Variants in OOSP4B observed in about 807,000 individuals in gnomAD.
The protein encoded by OOSP4B is oocyte secreted protein family member 4B.
chr11:60,028,634 G>A (rs1854770787), intron 3 of OOSP4B, among the ~76,000 whole-genome samples: 1 of 152,116 alleles, frequency 6.6e-6, no homozygotes, highest in African/African-American at 2.4e-5. Context: ...CTACGCTGGG[G>A]TTTGAGTTTT....
At chr11:60,018,169 G>A (rs1246165975) in intron 1 of OOSP4B, among the ~76,000 whole-genome samples, 3 of 152,126 alleles carry the variant, frequency 2.0e-5, no homozygotes, top group Admixed American at 6.5e-5. Flanking sequence ...GAGTGATGTC[G>A]GCTGCGTCTA....
intron 3 of OOSP4B, among the ~76,000 whole-genome samples, chr11:60,027,292 G>C (rs1854754068): frequency 6.6e-6 from 1 of 152,116 alleles, no homozygotes; most frequent in Non-Finnish European, 1.5e-5. Flanking sequence ...TTGGAATGGG[G>C]TGTCTCCCTC....
At chr11:60,017,871 A>C (rs2134620434) in intron 1 of OOSP4B, among the ~76,000 whole-genome samples, 1 of 152,294 alleles carries the variant, frequency 6.6e-6, no homozygotes, top group Admixed American at 6.5e-5. Flanking sequence ...GATAGAATGA[A>C]AATTATATAG....
At chr11:60,027,572 C>G (rs1346428631) in intron 3 of OOSP4B, among the ~76,000 whole-genome samples, 2 of 148,650 alleles carry the variant, frequency 1.3e-5, no homozygotes, top group Non-Finnish European at 3.0e-5. Flanking sequence ...CAGGGGTTAG[C>G]ACCTGACTTG....
exon 1 of OOSP4B, chr11:60,017,279 A>T (rs1378504552): frequency 5.0e-6 from 2 of 398,152 alleles, no homozygotes; most frequent in Non-Finnish European, 8.9e-6. Flanking sequence ...GGGCTGCCCC[A>T]GCAGAGGGTA....
intron 1 of OOSP4B, 146 bp downstream of exon 1, chr11:60,017,559 T>C: frequency 2.5e-6 from 1 of 396,808 alleles, no homozygotes; most frequent in Non-Finnish European, 4.4e-6. Flanking sequence ...GATTTTTTTT[T>C]TTCCCCCTGA....
chr11:60,023,475 C>T (rs1854714402), intron 1 of OOSP4B, among the ~76,000 whole-genome samples: 1 of 152,080 alleles, frequency 6.6e-6, no homozygotes, highest in Non-Finnish European at 1.5e-5. Context: ...CACTCTGTTG[C>T]CCAGGCTGGA....
intron 3 of OOSP4B, 140 bp downstream of exon 3, chr11:60,025,145 A>T (rs998259643): frequency 7.7e-6 from 3 of 391,852 alleles, no homozygotes; most frequent in Non-Finnish European, 1.3e-5. Flanking sequence ...CTCTAAGGAA[A>T]ATGTTCAAAT....
At chr11:60,020,621 G>T (rs1344457357) in intron 1 of OOSP4B, among the ~76,000 whole-genome samples, 2 of 152,236 alleles carry the variant, frequency 1.3e-5, no homozygotes, top group Non-Finnish European at 2.9e-5. Flanking sequence ...CCCGCAAGCT[G>T]AGGGAGCTGG....
chr11:60,019,532 G>T (rs1231875964), intron 1 of OOSP4B: 1 of 155,500 alleles, frequency 6.4e-6, no homozygotes, highest in East Asian at 1.9e-4. Context: ...CTTCCTTCTG[G>T]TGGGTTCGTG....
At position 60,020,726 on chromosome 11, in the gene OOSP4B, G is replaced by A. The variant is rs565512908; in HGVS notation, c.23-3154G>A. Among the ~76,000 whole-genome samples, 8 of 152,370 alleles carry A rather than the reference G, an allele frequency of 5.3e-5. No individual in the cohort carries two copies. The South Asian group carries it at 1.7e-3, about 32-fold the overall frequency. On this transcript the variant is annotated intron_variant, in intron 1 of 4. Transcript: ENST00000642343. ...CCAGAGTGGGCGCCAAGGCCGAGGAGGCGTGGAGAGCGAGCGAGGGCTGTG... is the reference window on the plus strand; with the variant it reads ...CCAGAGTGGGCGCCAAGGCCGAGGAAGCGTGGAGAGCGAGCGAGGGCTGTG...
chr11:60,029,654 GC>G (rs1854784938), intron 3 of OOSP4B, 127 bp from the exon 4 acceptor site: 1 of 394,904 alleles, frequency 2.5e-6, no homozygotes, highest in South Asian at 1.4e-4. Context: ...GAGCTACTTT[GC>G]CTTTCCTCCA....
chr11:60,027,613 T>G (rs1242157214), intron 3 of OOSP4B, among the ~76,000 whole-genome samples: 1 of 142,984 alleles, frequency 7.0e-6, no homozygotes, highest in Non-Finnish European at 1.5e-5. Flanking sequence ...CAAACAGCCT[T>G]TGTAAACTTG....
chr11:60,017,543 A>C (rs1854639973), intron 1 of OOSP4B, 130 bp downstream of exon 1: 2 of 397,002 alleles, frequency 5.0e-6, no homozygotes. Flanking sequence ...CTGTGTAAAA[A>C]GCTGAGATTT....
In OOSP4B at chr11:60,017,820, G is replaced by A. The variant is rs139085345; in HGVS notation, c.22+407G>A. 2.8e-3 allele frequency among the ~76,000 whole-genome samples: 421 copies of A among 152,250 alleles called. 1 individual carries two copies. The highest frequency in any genetic ancestry group is 9.8e-3 in the African/African-American group (409 of 41,548). ...CCTTAGAGATCTCTGGGTTTCTGGG[G>A]AGGATTACAGGCTCTCTTGGCCTAT... On this transcript the variant is annotated intron_variant, in intron 1 of 4. Transcript: ENST00000642343.
intron 2 of OOSP4B, 61 bp downstream of exon 2, chr11:60,024,122 G>A (rs1427327708): frequency 5.0e-6 from 2 of 398,076 alleles, no homozygotes; most frequent in Non-Finnish European, 8.9e-6. Flanking sequence ...GGGCTACATA[G>A]TATCAAAAGT....
intron 1 of OOSP4B, among the ~76,000 whole-genome samples, chr11:60,017,702 C>G (rs1163096458): frequency 6.6e-6 from 1 of 152,104 alleles, no homozygotes; most frequent in Non-Finnish European, 1.5e-5. Context: ...TTTAGTTTAT[C>G]TTATGCCATT....
intron 2 of OOSP4B, among the ~76,000 whole-genome samples, chr11:60,024,399 G>A (rs540415912): frequency 1.5e-3 from 224 of 152,322 alleles, no homozygotes; most frequent in Non-Finnish European, 2.5e-3. Context: ...ATTTAGCTGG[G>A]TGTGGTGGTG....
intron 1 of OOSP4B, among the ~76,000 whole-genome samples, chr11:60,019,224 GA>G (rs200631618): frequency 0.039 from 5,884 of 150,824 alleles, 376 homozygotes; most frequent in African/African-American, 0.13. Context: ...CTCTTTCTCA[GA>G]AAAAAAATAA....
Sources: gnomAD v4.1 joint callset for allele counts (sites outside exome capture counted in the v4.1 genomes callset) on GRCh38, gnomAD v4.1.1 for gene constraint, MANE v1.5 for transcripts, NCBI Gene and HGNC (gene_info 2026-07-23, HGNC 2026-07-21) for gene names.